The following MAGI2 variants were observed in gnomAD, a reference collection of about 807,000 sequenced individuals.
The protein encoded by MAGI2 is membrane-associated guanylate kinase, WW and PDZ domain-containing protein 2.
A neutral mutation model predicts 133.3 loss-of-function variants in MAGI2; 35 were observed. The ratio of observed to expected loss-of-function variants is 0.26; its 90% CI spans 0.20 to 0.35. MAGI2 has a LOEUF of 0.35. MAGI2 is among the 10% of genes least tolerant of loss of function. MAGI2 has a pLI of 1.00. For missense variants in MAGI2, 1,636 were observed against 1,863.4 expected, an observed-to-expected ratio of 0.88 and a Z score of 2.25; for synonymous variants, 729 against 710.6, an observed-to-expected ratio of 1.03 and a Z score of -0.41.
intron 3 of MAGI2, among the ~76,000 whole-genome samples, chr7:78,527,884 G>C (rs1490595068): frequency 4.6e-5 from 7 of 152,158 alleles, no homozygotes; most frequent in African/African-American, 1.7e-4. Context: ...CTTCCATATG[G>C]CTCCCAAGTG....
chr7:79,248,214 T>C (rs1407885198), intron 1 of MAGI2, among the ~76,000 whole-genome samples: 1 of 152,188 alleles, frequency 6.6e-6, no homozygotes, highest in Non-Finnish European at 1.5e-5. Flanking sequence ...CAGAAGTATC[T>C]ATATTTATGT....
At chr7:79,085,479 T>A (rs1024255515) in intron 1 of MAGI2, among the ~76,000 whole-genome samples, 3 of 151,924 alleles carry the variant, frequency 2.0e-5, no homozygotes, top group African/African-American at 7.2e-5. Context: ...GTCCAATATC[T>A]GTGCTTCATC....
At chr7:78,465,420 A>G (rs1022943569) in intron 6 of MAGI2, among the ~76,000 whole-genome samples, 2 of 152,190 alleles carry the variant, frequency 1.3e-5, no homozygotes, top group African/African-American at 4.8e-5. Context: ...AGGGTTTATC[A>G]AGCCATGTAC....
At chr7:79,198,886 T>G (rs912250886) in intron 1 of MAGI2, among the ~76,000 whole-genome samples, 2 of 151,832 alleles carry the variant, frequency 1.3e-5, no homozygotes, top group Admixed American at 1.3e-4. Flanking sequence ...AGACCCTGTC[T>G]CAAAAAATAA....
At chr7:79,283,106 G>A (rs1309324407) in intron 1 of MAGI2, among the ~76,000 whole-genome samples, 1 of 151,988 alleles carries the variant, frequency 6.6e-6, no homozygotes, top group Non-Finnish European at 1.5e-5. Flanking sequence ...ATAATCATAT[G>A]TGCTTTTGCT....
chr7:79,047,318 T>G (rs1812261543), intron 1 of MAGI2, among the ~76,000 whole-genome samples: 1 of 152,118 alleles, frequency 6.6e-6, no homozygotes, highest in African/African-American at 2.4e-5. Flanking sequence ...TGTGCTAAAT[T>G]ACTCTTTATT....
intron 2 of MAGI2, among the ~76,000 whole-genome samples, chr7:78,698,020 CT>C (rs1265758480): frequency 6.6e-6 from 1 of 152,138 alleles, no homozygotes; most frequent in Non-Finnish European, 1.5e-5. Flanking sequence ...TAGCCTGCCT[CT>C]GTTAGATTAA....
chr7:79,080,118 C>T (rs972910447), intron 1 of MAGI2, among the ~76,000 whole-genome samples: 1 of 152,062 alleles, frequency 6.6e-6, no homozygotes, highest in Non-Finnish European at 1.5e-5. Flanking sequence ...TTCACAGTGA[C>T]CCTTCCTTAA....
intron 16 of MAGI2, among the ~76,000 whole-genome samples, chr7:78,139,116 CTG>C (rs1417905112): frequency 7.2e-5 from 11 of 152,128 alleles, no homozygotes; most frequent in African/African-American, 2.7e-4. Context: ...AGAATGAAAA[CTG>C]AAATAAATTC....
chr7:78,705,220 T>C (rs540718542), intron 2 of MAGI2, among the ~76,000 whole-genome samples: 2 of 152,164 alleles, frequency 1.3e-5, no homozygotes, highest in East Asian at 1.9e-4. Flanking sequence ...CCCCCATTGC[T>C]GTTCTCATGA....
Position 78,019,930 on chromosome 7 carries a change from C to T in MAGI2, c.3753G>A (p.Leu1251=). The T allele has an allele frequency of 4.3e-6, 7 of 1,609,764 alleles. No individual in the cohort carries two copies. Among genetic ancestry groups the T allele is most frequent in the Non-Finnish European group, 5.9e-6 (7 of 1,178,516 alleles). ...WSSPAAAAPG[L]PEVGVSLDDG... ...CGTCCAGGGAGACGCCTACTTCCGGCAGACCTGGGGCGGCGGCAGCGGGAG... is the reference window on the plus strand; with the variant it reads ...CGTCCAGGGAGACGCCTACTTCCGGTAGACCTGGGGCGGCGGCAGCGGGAG... The change falls in exon 22 of 22, where the codon CTG becomes CTA. Residue 1251 remains leucine, a synonymous_variant. Coordinates refer to ENST00000354212, the MANE Select transcript of MAGI2 (RefSeq NM_012301.4).
At chr7:78,477,042 C>T (rs1791836207) in intron 6 of MAGI2, among the ~76,000 whole-genome samples, 1 of 151,862 alleles carries the variant, frequency 6.6e-6, no homozygotes, top group African/African-American at 2.4e-5. Flanking sequence ...TTTTTTCCAA[C>T]TAAAAGCCAT....
chr7:78,549,403 C>G (rs1799145266), intron 3 of MAGI2, among the ~76,000 whole-genome samples: 1 of 151,718 alleles, frequency 6.6e-6, no homozygotes, highest in African/African-American at 2.4e-5. Context: ...CATCTGCATT[C>G]TAGATAAGAA....
At chr7:78,402,429 T>C (rs148886627) in intron 6 of MAGI2, among the ~76,000 whole-genome samples, 1 of 152,014 alleles carries the variant, frequency 6.6e-6, no homozygotes, top group Non-Finnish European at 1.5e-5. Flanking sequence ...ACCTGGGGTA[T>C]GCATGTGTGT....
chr7:79,230,357 G>A (rs1831256245), intron 1 of MAGI2, among the ~76,000 whole-genome samples: 2 of 152,000 alleles, frequency 1.3e-5, no homozygotes, highest in African/African-American at 4.8e-5. Context: ...GATCCCTGAG[G>A]AATCGCCACA....
chr7:78,297,214 G>GACAA (rs1428969884), intron 9 of MAGI2, among the ~76,000 whole-genome samples: 25 of 152,266 alleles, frequency 1.6e-4, no homozygotes, highest in African/African-American at 5.5e-4. Context: ...AGATAAACCT[G>GACAA]ACAAACACTA....
Position 79,338,350 on chromosome 7 carries a change from T to C in MAGI2, c.301+114670A>G, listed in dbSNP as rs370138427. On this transcript the variant is annotated intron_variant, in intron 1 of 21. Coordinates refer to ENST00000354212, the MANE Select transcript of MAGI2 (RefSeq NM_012301.4). ...GGAATCCAGGTATTTCTAAATTAGG[T>C]GGTCTGGTGACCAGACTTTGAGGAC... 7.6e-4 allele frequency among the ~76,000 whole-genome samples: 115 copies of C among 152,222 alleles called. 1 individual carries two copies. The South Asian group carries it at 0.015, about 19-fold the overall frequency.
chr7:79,414,490 T>C (rs1193623632), intron 1 of MAGI2: 6 of 152,156 alleles, frequency 3.9e-5, no homozygotes, highest in African/African-American at 1.4e-4. Flanking sequence ...TGACCCGTGC[T>C]GGTGTCAGTT....
intron 2 of MAGI2, among the ~76,000 whole-genome samples, chr7:78,703,323 A>G (rs1818268912): frequency 1.3e-5 from 2 of 152,068 alleles, no homozygotes; most frequent in Admixed American, 1.3e-4. Context: ...TGGCTGGATT[A>G]CAATTCCAAG....
Sources: gnomAD v4.1 joint callset for allele counts (sites outside exome capture counted in the v4.1 genomes callset) on GRCh38, gnomAD v4.1.1 for gene constraint, MANE v1.5 for transcripts, NCBI Gene and HGNC (gene_info 2026-07-23, HGNC 2026-07-21) for gene names.